FUT8: variants seen among roughly 807,000 people sequenced by gnomAD.
The protein encoded by FUT8 is alpha-(1,6)-fucosyltransferase.
Under a neutral mutation model 71.3 loss-of-function variants are expected in FUT8, and 29 were observed. The ratio of observed to expected loss-of-function variants is 0.41; its 90% CI spans 0.30 to 0.55. The LOEUF (loss-of-function observed/expected upper bound fraction) is 0.55. Ranked by LOEUF, FUT8 falls within the 20% of genes least tolerant of loss-of-function variation. The pLI is 0.34. For missense variants in FUT8, 544 were observed against 702.1 expected (o/e 0.77, Z 2.55); for synonymous variants, 254 against 239.3 (o/e 1.06, Z -0.57).
chr14:65,540,917 G>A (rs1289311267), intron 2 of FUT8, among the ~76,000 whole-genome samples: 1 of 152,218 alleles, frequency 6.6e-6, no homozygotes, highest in Non-Finnish European at 1.5e-5. Flanking sequence ...TGTACAACTA[G>A]TTATCAGGTC....
intron 3 of FUT8, among the ~76,000 whole-genome samples, chr14:65,612,845 G>A (rs1889071007): frequency 6.6e-6 from 1 of 152,176 alleles, no homozygotes; most frequent in African/African-American, 2.4e-5. Context: ...TTTCAGGCAG[G>A]ATGGTAAATG....
rs148651886 is a variant in FUT8, at chr14:65,436,087, T to C, written c.-325-19534T>C. 1.6e-3 allele frequency among the ~76,000 whole-genome samples: 250 copies of C among 152,080 alleles called. 1 individual carries two copies. Among genetic ancestry groups the C allele is most frequent in the African/African-American group, 5.6e-3 (231 of 41,492 alleles). ...CTGGGACCACAGGTGTGTGCCACCA[T>C]GTCTGGCTAGTTTTTAATTTTTTTG... On this transcript the variant is annotated intron_variant, in intron 1 of 10. Coordinates refer to ENST00000673929, the MANE Select transcript of FUT8 (RefSeq NM_001371533.1).
intron 3 of FUT8, among the ~76,000 whole-genome samples, chr14:65,592,197 T>G (rs1887728294): frequency 6.6e-6 from 1 of 152,132 alleles, no homozygotes; most frequent in Non-Finnish European, 1.5e-5. Flanking sequence ...CACTTTGGTT[T>G]TGTGTTATAA....
intron 3 of FUT8, among the ~76,000 whole-genome samples, chr14:65,567,170 G>A (rs1025464221): frequency 6.6e-6 from 1 of 151,918 alleles, no homozygotes; most frequent in Non-Finnish European, 1.5e-5. Context: ...CCGATTAATA[G>A]TTTTTTTGTT....
rs1325593628 is a variant in FUT8, at chr14:65,525,517, C to T, written c.-227-35820C>T. On this transcript the variant is annotated intron_variant, in intron 2 of 10. Coordinates refer to ENST00000673929, the MANE Select transcript of FUT8 (RefSeq NM_001371533.1). ...TGTTGATGTTTTCAAAAAACCAGCTCCTGGATTCATTGATTTTTTGAAGGG... is the reference window on the plus strand; with the variant it reads ...TGTTGATGTTTTCAAAAAACCAGCTTCTGGATTCATTGATTTTTTGAAGGG... Among the ~76,000 whole-genome samples the T allele has an allele frequency of 2.0e-5, 3 of 152,184 alleles. No homozygotes were observed. In the East Asian group the frequency reaches 5.8e-4, roughly 29 times the overall value.
intron 6 of FUT8, among the ~76,000 whole-genome samples, chr14:65,641,079 G>C (rs556579582): frequency 7.9e-5 from 12 of 152,120 alleles, no homozygotes; most frequent in Non-Finnish European, 1.3e-4. Context: ...AAGTTTTGAC[G>C]TATACAGACA....
chr14:65,670,028 G>T (rs1892401803), intron 7 of FUT8, among the ~76,000 whole-genome samples: 1 of 152,192 alleles, frequency 6.6e-6, no homozygotes, highest in African/African-American at 2.4e-5. Context: ...ATCTTCAAAT[G>T]AAGCCTAATT....
At chr14:65,458,452 T>C (rs1264743505) in intron 2 of FUT8, among the ~76,000 whole-genome samples, 2 of 146,432 alleles carry the variant, frequency 1.4e-5, no homozygotes, top group African/African-American at 5.1e-5. Context: ...AGAAACTGTC[T>C]TTCTGCCTTG....
intron 3 of FUT8, among the ~76,000 whole-genome samples, chr14:65,609,294 C>CAA (rs746431421): frequency 2.2e-4 from 26 of 115,884 alleles, no homozygotes; most frequent in African/African-American, 7.0e-4. Flanking sequence ...GACTCTGTCT[C>CAA]AAAAAAAAAA....
At chr14:65,533,206 A>G (rs762008582) in intron 2 of FUT8, among the ~76,000 whole-genome samples, 5 of 152,176 alleles carry the variant, frequency 3.3e-5, no homozygotes, top group Non-Finnish European at 5.9e-5. Context: ...TCGTAGTTTG[A>G]TAGGAATAGC....
chr14:65,675,702 A>C (rs879573802), intron 7 of FUT8, among the ~76,000 whole-genome samples: 1 of 152,106 alleles, frequency 6.6e-6, no homozygotes, highest in Non-Finnish European at 1.5e-5. Context: ...TAGATGTAAT[A>C]AGAGAGGCCG....
chr14:65,584,878 A>G (rs1392690241), intron 3 of FUT8, among the ~76,000 whole-genome samples: 1 of 152,196 alleles, frequency 6.6e-6, no homozygotes, highest in African/African-American at 2.4e-5. Flanking sequence ...TCCTTCATTC[A>G]GGCTTTGTAG....
chr14:65,671,481 G>C (rs1998036), intron 7 of FUT8, among the ~76,000 whole-genome samples: 53,938 of 151,930 alleles, frequency 0.36, 11,817 homozygotes, highest in Non-Finnish European at 0.49. Context: ...GACTTACCCA[G>C]GGTCATACAG....
chr14:65,451,444 A>G (rs1453244540), intron 1 of FUT8, among the ~76,000 whole-genome samples: 4 of 152,252 alleles, frequency 2.6e-5, no homozygotes, highest in African/African-American at 7.2e-5. Context: ...GGTGTGTTAC[A>G]GTGCTCTTTT....
chr14:65,620,311 C>T (rs1277493408), intron 5 of FUT8, among the ~76,000 whole-genome samples: 1 of 152,104 alleles, frequency 6.6e-6, no homozygotes, highest in African/African-American at 2.4e-5. Context: ...TCTCATCTCC[C>T]TTACCTAGTT....
At chr14:65,713,650 C>T (rs141632778) in intron 7 of FUT8, among the ~76,000 whole-genome samples, 12 of 152,306 alleles carry the variant, frequency 7.9e-5, no homozygotes, top group African/African-American at 1.9e-4. Context: ...AGCACCTCTT[C>T]ATATACCTGT....
intron 6 of FUT8, among the ~76,000 whole-genome samples, chr14:65,650,645 T>G (rs1338459039): frequency 1.4e-5 from 2 of 147,630 alleles, no homozygotes; most frequent in Admixed American, 1.4e-4. Flanking sequence ...GGATTGCATT[T>G]CAACTTGAGA....
chr14:65,690,196 A>G (rs1121885), intron 7 of FUT8, among the ~76,000 whole-genome samples: 104,316 of 152,042 alleles, frequency 0.69, 36,045 homozygotes, highest in East Asian at 0.89. Flanking sequence ...GACCATCTCT[A>G]TGTGGGTCTT....
intron 3 of FUT8, among the ~76,000 whole-genome samples, chr14:65,576,696 CTTTTTTTTTTTTTTTTTTTTTTTT>C (rs376473739): frequency 4.3e-4 from 41 of 96,212 alleles, no homozygotes; most frequent in African/African-American, 1.3e-3. Context: ...GCCCAGCTTG[CTTTTTTTTTTTTTTTTTTTTTTTT>C]TTTTTTTTTT....
Sources: gnomAD v4.1 joint callset for allele counts (sites outside exome capture counted in the v4.1 genomes callset) on GRCh38, gnomAD v4.1.1 for gene constraint, MANE v1.5 for transcripts, NCBI Gene and HGNC (gene_info 2026-07-23, HGNC 2026-07-21) for gene names.